The following UTP20 variants were observed in gnomAD, a reference collection of about 807,000 sequenced individuals.
The protein encoded by UTP20 is UTP20 small subunit processome component, also known as small subunit processome component 20 homolog.
Under a neutral mutation model 329.5 loss-of-function variants are expected in UTP20, and 164 were observed. That is an observed-to-expected ratio of 0.50 (90% CI 0.44 to 0.57). The LOEUF is 0.57. Among genes scored for constraint, UTP20 ranks in the 20% least tolerant of loss-of-function variants. The probability of loss-of-function intolerance (pLI) is 0.00; values close to 1 mark genes in which losing one functional copy is unlikely to be tolerated. For synonymous variants in UTP20, 1,151 were observed against 1,159.3 expected, an observed-to-expected ratio of 0.99 and a Z score of 0.14; for missense variants, 3,055 against 3,284.2, an observed-to-expected ratio of 0.93 and a Z score of 1.71.
At chr12:101,350,367 C>A (rs1216877643) in intron 38 of UTP20, among the ~76,000 whole-genome samples, 1 of 152,058 alleles carries the variant, frequency 6.6e-6, no homozygotes, top group South Asian at 2.1e-4. Context: ...ATGGGGTTCT[C>A]GCTTTGTTGC....
In UTP20 at chr12:101,292,005, C is replaced by T. The variant is rs3759365; in HGVS notation, c.1074C>T (p.Ser358=). The T allele has an allele frequency of 0.017, 27,058 of 1,614,036 alleles. 460 individuals carry two copies. The highest frequency in any genetic ancestry group is 0.082 in the East Asian group (3,683 of 44,878). ...AAACACTGCAAGTAGCCAGTCTCTCCACATCTTGCTGGGAGACCCTCTTGG... is the reference window on the plus strand; with the variant it reads ...AAACACTGCAAGTAGCCAGTCTCTCTACATCTTGCTGGGAGACCCTCTTGG... ...LSQTLQVASL[S]TSCWETLLDV... Residue 358 remains serine, a synonymous_variant, in exon 10 of 62, where the codon TCC becomes TCT. Transcript: ENST00000261637.
chr12:101,382,315 C>T (rs1870673161), intron 58 of UTP20, among the ~76,000 whole-genome samples: 1 of 151,696 alleles, frequency 6.6e-6, no homozygotes, highest in South Asian at 2.1e-4. Context: ...ATAAGAATTG[C>T]TTGAACCCAG....
chr12:101,321,187 T>C (rs1428137705), intron 24 of UTP20, among the ~76,000 whole-genome samples: 1 of 152,202 alleles, frequency 6.6e-6, no homozygotes, highest in African/African-American at 2.4e-5. Context: ...TTCTTATTAA[T>C]ATAATGCCAT....
intron 41 of UTP20, 142 bp from the exon 42 acceptor site, chr12:101,356,412 C>T (rs1487622143): frequency 5.6e-5 from 46 of 815,688 alleles, no homozygotes; most frequent in Non-Finnish European, 8.4e-5. Context: ...AGGCATGAGC[C>T]ACCGCACCCA....
At chr12:101,367,765 C>A in intron 47 of UTP20, 95 bp from the exon 48 acceptor site, 2 of 760,864 alleles carry the variant, frequency 2.6e-6, no homozygotes, top group South Asian at 1.7e-5. Context: ...AGTATCTTAA[C>A]ATTTCTTGCT....
At chr12:101,358,889 C>T (rs1565803824) in intron 43 of UTP20, among the ~76,000 whole-genome samples, 1 of 151,996 alleles carries the variant, frequency 6.6e-6, no homozygotes, top group African/African-American at 2.4e-5. Flanking sequence ...ATTTGTTGTC[C>T]CCCTCTTACT....
At position 101,372,983 on chromosome 12, in the gene UTP20, T is replaced by A. The variant is rs1218153930; in HGVS notation, c.6878+20T>A. 1.2e-6 allele frequency: 2 copies of A among 1,603,480 alleles called. No homozygotes were observed. The stretch of plus-strand genomic sequence containing the variant: ...ACTGAAGTAAGCTTAAGCTATTAAC[T>A]ACACAGGGGCGGAGGGTAGTTTCTT... On this transcript the variant is annotated intron_variant, in intron 52 of 61. Transcript: ENST00000261637.
At chr12:101,286,083 T>C (rs932997977) in intron 4 of UTP20, among the ~76,000 whole-genome samples, 6 of 152,210 alleles carry the variant, frequency 3.9e-5, no homozygotes, top group Non-Finnish European at 7.3e-5. Context: ...ACTAAGATAA[T>C]CTCATTTTTC....
At chr12:101,302,789 C>T (rs1482059283) in intron 15 of UTP20, among the ~76,000 whole-genome samples, 3 of 151,884 alleles carry the variant, frequency 2.0e-5, no homozygotes, top group Non-Finnish European at 2.9e-5. Context: ...AGATTAATGT[C>T]GTAAAGTTTG....
chr12:101,373,503 C>T, intron 53 of UTP20, 33 bp downstream of exon 53: 1 of 1,613,944 alleles, frequency 6.2e-7, no homozygotes, highest in East Asian at 2.2e-5. Flanking sequence ...CCCCGTGACT[C>T]CTGGAAGTCC....
intron 31 of UTP20, among the ~76,000 whole-genome samples, chr12:101,339,385 A>G (rs1417214990): frequency 1.3e-5 from 2 of 152,182 alleles, no homozygotes; most frequent in Non-Finnish European, 2.9e-5. Context: ...ATCTGGCAAT[A>G]AGAAGCTAAA....
In UTP20 at chr12:101,377,517, A is replaced by G. The variant is rs60657088; in HGVS notation, c.7396+1761A>G. Among the ~76,000 whole-genome samples, 965 of 152,156 alleles carry G rather than the reference A, an allele frequency of 6.3e-3. 12 individuals carry two copies. Among genetic ancestry groups the G allele is most frequent in the African/African-American group, 0.022 (904 of 41,524 alleles). On this transcript the variant is annotated intron_variant, in intron 56 of 61. Transcript: ENST00000261637. ...AGCTAATTTTTGTATTTTTTAGTAG[A>G]GACAGGTTTTCACCGTGTTGGCCAG...
At chr12:101,320,829 A>G (rs1873125267) in intron 23 of UTP20, 23 bp from the exon 24 acceptor site, 1 of 1,590,934 alleles carries the variant, frequency 6.3e-7, no homozygotes, top group Admixed American at 1.8e-5. Context: ...GACTTCATTA[A>G]TTCTGTAAAA....
Position 101,367,873 on chromosome 12 carries a change from G to A in UTP20, c.6281G>A (p.Ser2094Asn), listed in dbSNP as rs1416350837. ...GAACTCTCTTAGCTGCTGCATCTGA[G>A]TCTGAAGACTTCCAAGATCAAGTCT... ...IESGLRLLHL[S>N]LKTSKIKSSG... Residue 2094 changes from serine to asparagine, a missense_variant, in exon 48 of 62, where the codon AGT becomes AAT. Ser to Asn is a conservative substitution (Grantham distance 46). This residue lies in a region of UTP20 where 2,445 missense variants were observed against 2,575.5 expected (regional missense o/e 0.95). Coordinates refer to ENST00000261637, the MANE Select transcript of UTP20 (RefSeq NM_014503.3). 1.2e-6 allele frequency: 2 copies of A among 1,613,360 alleles called. No homozygotes were observed. The highest frequency in any genetic ancestry group is 2.2e-5 in the South Asian group (2 of 91,074).
Position 101,295,616 on chromosome 12 carries a change from C to T in UTP20, c.1388C>T (p.Ala463Val). The part of the protein sequence containing the change: ...KAAPPTAGSM[A>V]IEKYPLVFSP... ...GCACCTCCCACTGCTGGCTCGATGGCAATTGAAAAGTACCCTCTGGTTTTC... is the reference window on the plus strand; with the variant it reads ...GCACCTCCCACTGCTGGCTCGATGGTAATTGAAAAGTACCCTCTGGTTTTC... Residue 463 changes from alanine (A) to valine (V), a missense_variant, in exon 12 of 62, where the codon GCA becomes GTA. This residue lies in a region of UTP20 where 2,445 missense variants were observed against 2,575.5 expected (regional missense o/e 0.95). Transcript: ENST00000261637. 1 of 1,612,256 alleles carries T rather than the reference C, an allele frequency of 6.2e-7. No individual in the cohort carries two copies. The highest frequency in any genetic ancestry group is 8.5e-7 in the Non-Finnish European group (1 of 1,178,848).
At chr12:101,320,795 C>A in intron 23 of UTP20, 57 bp from the exon 24 acceptor site, 1 of 1,420,574 alleles carries the variant, frequency 7.0e-7, no homozygotes, top group South Asian at 1.4e-5. Context: ...AAGTAAATTG[C>A]TATCCTATGG....
intron 56 of UTP20, 103 bp from the exon 57 acceptor site, chr12:101,379,268 C>G: frequency 9.4e-7 from 1 of 1,061,842 alleles, no homozygotes; most frequent in Non-Finnish European, 1.3e-6. Flanking sequence ...TCTTTGGTTC[C>G]CCACTCCAAA....
At chr12:101,293,786 C>T (rs1330083157) in intron 11 of UTP20, among the ~76,000 whole-genome samples, 1 of 152,126 alleles carries the variant, frequency 6.6e-6, no homozygotes, top group Non-Finnish European at 1.5e-5. Flanking sequence ...ACTTTTGTAC[C>T]TGTCCAAGAT....
intron 56 of UTP20, among the ~76,000 whole-genome samples, chr12:101,377,393 C>T (rs956019679): frequency 2.0e-5 from 3 of 151,872 alleles, no homozygotes; most frequent in Admixed American, 1.3e-4. Context: ...TGTAGTTGTG[C>T]GATCTCAGCT....
Sources: gnomAD v4.1 joint callset for allele counts (sites outside exome capture counted in the v4.1 genomes callset) on GRCh38, gnomAD v4.1.1 for gene constraint, gnomAD v4.1.1 regional missense constraint, MANE v1.5 for transcripts, NCBI Gene and HGNC (gene_info 2026-07-23, HGNC 2026-07-21) for gene names.